Variants in MACF1 observed in about 807,000 individuals in gnomAD.
MACF1 encodes microtubule-actin cross-linking factor 1.
MACF1 carries 193 observed loss-of-function variants against 854.8 expected under a neutral mutation model. The ratio of observed to expected loss-of-function variants is 0.23; its 90% CI spans 0.20 to 0.25. The LOEUF is 0.25. Among genes scored for constraint, MACF1 ranks in the 10% least tolerant of loss-of-function variants. The pLI is 1.00. For synonymous variants in MACF1, 3,185 were observed against 3,226.7 expected (o/e 0.99, Z 0.44); for missense variants, 7,722 against 8,929.1 (o/e 0.86, Z 5.45).
At position 39,361,651 on chromosome 1, in the gene MACF1, A is replaced by G. The variant is rs1557610068; in HGVS notation, c.12745A>G (p.Ile4249Val). The change falls in exon 49 of 101, where the codon ATT becomes GTT. Residue 4249 changes from isoleucine (I) to valine (V), a missense_variant. Physicochemically the swap from Ile to Val is conservative, Grantham distance 29. This residue lies in a region of MACF1 where 2,807 missense variants were observed against 3,235.8 expected (regional missense o/e 0.87). Coordinates refer to ENST00000564288, the MANE Select transcript of MACF1 (RefSeq NM_001394062.1). ...CTCTGGAAATCAGCCAGATCAAGAT[A>G]TTACACATTTCTTCCAACAGATCCA... Reference protein sequence around the residue: ...LASGNQPDQDITHFFQQIQEL... With the variant: ...LASGNQPDQDVTHFFQQIQEL... 6.2e-7 allele frequency: 1 copy of G among 1,614,160 alleles called. No homozygotes were observed. The highest frequency in any genetic ancestry group is 8.5e-7 in the Non-Finnish European group (1 of 1,180,014).
chr1:39,347,149 C>A lies in MACF1; in HGVS notation c.10754C>A (p.Ala3585Asp). ...TTCCAGGACATTTTGGAACAGACTG[C>A]CGCTCAGGTGGATGCCTTGCAGGGC... The part of the protein sequence containing the change: ...RSFQDILEQT[A>D]AQVDALQGHL... Residue 3585 changes from alanine (A) to aspartate (D), a missense_variant, in exon 41 of 101, where the codon GCC becomes GAC. Transcript: ENST00000564288. 1 of 1,614,108 alleles carries A rather than the reference C, an allele frequency of 6.2e-7. No homozygotes were observed. Among genetic ancestry groups the A allele is most frequent in the East Asian group, 2.2e-5 (1 of 44,868 alleles).
chr1:39,313,057 T>C (rs1646334032), intron 26 of MACF1, among the ~76,000 whole-genome samples: 1 of 152,196 alleles, frequency 6.6e-6, no homozygotes, highest in South Asian at 2.1e-4. Context: ...TTCCATCATC[T>C]TTCATGACCT....
At chr1:39,256,669 C>G (rs1439552115) in intron 5 of MACF1, among the ~76,000 whole-genome samples, 1 of 152,142 alleles carries the variant, frequency 6.6e-6, no homozygotes, top group Non-Finnish European at 1.5e-5. Flanking sequence ...GGAAATTCCT[C>G]CGTTCCCAGC....
At chr1:39,122,054 A>G (rs542777617) in intron 2 of MACF1, among the ~76,000 whole-genome samples, 29 of 152,232 alleles carry the variant, frequency 1.9e-4, no homozygotes, top group African/African-American at 7.0e-4. Context: ...TTACCTTAAG[A>G]CAGCCCCATG....
chr1:39,401,013 A>G (rs1222737004), intron 58 of MACF1, among the ~76,000 whole-genome samples: 1 of 152,240 alleles, frequency 6.6e-6, no homozygotes, highest in African/African-American at 2.4e-5. Context: ...TTTTGTGGGA[A>G]CAATAGGGCT....
At chr1:39,195,760 A>T (rs1644311411) in intron 2 of MACF1, among the ~76,000 whole-genome samples, 1 of 152,204 alleles carries the variant, frequency 6.6e-6, no homozygotes, top group Non-Finnish European at 1.5e-5. Context: ...ATAGGGAGAA[A>T]TGTAAAGTTT....
At chr1:39,477,738 C>T (rs986535252) in intron 97 of MACF1, among the ~76,000 whole-genome samples, 5 of 151,938 alleles carry the variant, frequency 3.3e-5, no homozygotes, top group Non-Finnish European at 7.4e-5. Flanking sequence ...TCTAGGTCCA[C>T]CTCTACTGCC....
chr1:39,356,005 G>A (rs961542849), intron 44 of MACF1, among the ~76,000 whole-genome samples: 1 of 152,158 alleles, frequency 6.6e-6, no homozygotes, highest in Admixed American at 6.5e-5. Context: ...AGGCTATCAG[G>A]TTGTTGTTGA....
In MACF1 at chr1:39,287,553, A is replaced by C; in HGVS notation, c.1776A>C (p.Glu592Asp). 6.2e-7 allele frequency: 1 copy of C among 1,614,234 alleles called. No individual in the cohort carries two copies. The highest frequency in any genetic ancestry group is 8.5e-7 in the Non-Finnish European group (1 of 1,180,028). ...TGTATGAACTACTGTCTTGGGTAGA[A>C]GAGATGCAGGTGGGTGCATATCCAA... is the stretch of plus-strand genomic sequence containing the variant. The part of the protein sequence containing the change: ...RFVYELLSWV[E>D]EMQMKLERAE... The change falls in exon 15 of 101, where the codon GAA (glutamate) becomes GAC (aspartate). Residue 592 changes from glutamate to aspartate, a missense_variant. Glu to Asp is a conservative substitution (Grantham distance 45, BLOSUM62 2). Around this residue, in one of 15 missense-constraint regions of MACF1, gnomAD observed 1,137 missense variants for 1,263.0 expected, o/e 0.90. Coordinates refer to ENST00000564288, the MANE Select transcript of MACF1 (RefSeq NM_001394062.1).
intron 78 of MACF1, 80 bp from the exon 79 acceptor site, chr1:39,443,366 C>T: frequency 1.4e-6 from 2 of 1,458,916 alleles, no homozygotes; most frequent in Non-Finnish European, 1.8e-6. Flanking sequence ...TCAAGATAAA[C>T]TCCTCATATC....
intron 30 of MACF1, among the ~76,000 whole-genome samples, chr1:39,319,194 C>T (rs1014473015): frequency 6.6e-6 from 1 of 151,988 alleles, no homozygotes; most frequent in Non-Finnish European, 1.5e-5. Context: ...TTTAACCTAC[C>T]TTATGAGATT....
rs1319855063 is a variant in MACF1, at chr1:39,455,170, T to C, written c.21075+73T>C. On this transcript the variant is annotated intron_variant, in intron 89 of 100. Coordinates refer to ENST00000564288, the MANE Select transcript of MACF1 (RefSeq NM_001394062.1). The stretch of plus-strand genomic sequence containing the variant: ...TGGAGACCATCTCTGTTGCCCTGTG[T>C]ATATGTTTTTAAATGGCTGCTTAAC... 2.8e-6 allele frequency: 4 copies of C among 1,444,038 alleles called. No homozygotes were observed. In the East Asian group the frequency reaches 9.1e-5, roughly 33 times the overall value. The allele number at this position is 1,444,038 out of a possible 1,614,324, so 89.5% of individuals were successfully genotyped here.
chr1:39,444,517 C>A, intron 79 of MACF1, 145 bp from the exon 80 acceptor site: 1 of 561,448 alleles, frequency 1.8e-6, no homozygotes, highest in Non-Finnish European at 3.0e-6. Context: ...TCCCTTATGG[C>A]TCAGCACTTG....
chr1:39,358,668 G>A, intron 45 of MACF1, 29 bp from the exon 46 acceptor site: 1 of 1,609,678 alleles, frequency 6.2e-7, no homozygotes, highest in South Asian at 1.1e-5. Context: ...CCTTGCTTAA[G>A]TCTGCTTACC....
rs377263950 is a variant in MACF1, at chr1:39,379,301, C to T, written c.13375C>T (p.Leu4459Phe). The T allele has an allele frequency of 1.9e-5, 31 of 1,613,702 alleles. No individual in the cohort carries two copies. Among genetic ancestry groups the T allele is most frequent in the Non-Finnish European group, 2.5e-5 (30 of 1,179,932 alleles). The change falls in exon 54 of 101, where the codon CTC becomes TTC. Residue 4459 changes from leucine (L) to phenylalanine (F), a missense_variant. Coordinates refer to ENST00000564288, the MANE Select transcript of MACF1 (RefSeq NM_001394062.1). ...ACGCCAGGAAAGCCTTCAGGCTATC[C>T]TCAACAGAATGGAGGAGGTTCACAA... ...HERQESLQAI[L>F]NRMEEVHKEA...
intron 1 of MACF1, among the ~76,000 whole-genome samples, chr1:39,215,812 G>T (rs953119890): frequency 2.0e-5 from 3 of 152,070 alleles, no homozygotes; most frequent in African/African-American, 4.8e-5. Context: ...CGGGAGGATG[G>T]GGGGTGGGAG....
intron 2 of MACF1, among the ~76,000 whole-genome samples, chr1:39,159,395 C>A (rs1643753167): frequency 6.6e-6 from 1 of 152,092 alleles, no homozygotes; most frequent in Admixed American, 6.5e-5. Context: ...GTTTCTTGGG[C>A]CAGGTTTTCC....
intron 58 of MACF1, among the ~76,000 whole-genome samples, chr1:39,418,967 T>C (rs1022793292): frequency 6.6e-6 from 1 of 152,270 alleles, no homozygotes; most frequent in African/African-American, 2.4e-5. Context: ...GCAACAATTT[T>C]TACTAGTGTA....
chr1:39,438,062 T>A, intron 71 of MACF1, 54 bp downstream of exon 71: 2 of 1,503,808 alleles, frequency 1.3e-6, no homozygotes, highest in Non-Finnish European at 1.8e-6. Context: ...TTCTAGGCTG[T>A]GGTTATCTTC....
Sources: gnomAD v4.1 joint callset for allele counts (sites outside exome capture counted in the v4.1 genomes callset) on GRCh38, gnomAD v4.1.1 for gene constraint, gnomAD v4.1.1 regional missense constraint, MANE v1.5 for transcripts, NCBI Gene and HGNC (gene_info 2026-07-23, HGNC 2026-07-21) for gene names.